UNC5C: variants seen among roughly 807,000 people sequenced by gnomAD.
UNC5C encodes the protein unc-5 netrin receptor C, also known as netrin receptor UNC5C.
UNC5C carries 47 observed loss-of-function variants against 99.8 expected under a neutral mutation model. The observed-to-expected ratio is 0.47, with a 90% confidence interval of 0.37 to 0.60. The LOEUF (loss-of-function observed/expected upper bound fraction) is 0.60. UNC5C is among the 20% of genes least tolerant of loss of function. The probability of loss-of-function intolerance (pLI) is 0.00; values close to 1 mark genes in which losing one functional copy is unlikely to be tolerated. For synonymous variants in UNC5C, 487 were observed against 452.2 expected (o/e 1.08, Z -0.98); for missense variants, 1,062 against 1,165.9 (o/e 0.91, Z 1.30).
intron 14 of UNC5C, among the ~76,000 whole-genome samples, chr4:95,174,622 T>A (rs934605763): frequency 6.6e-6 from 1 of 152,014 alleles, no homozygotes. Flanking sequence ...TTGTTATAAT[T>A]TCTGTTCATT....
At chr4:95,514,691 G>A (rs2149488454) in intron 1 of UNC5C, among the ~76,000 whole-genome samples, 1 of 149,386 alleles carries the variant, frequency 6.7e-6, no homozygotes, top group East Asian at 2.0e-4. Context: ...ATTTTTCCTT[G>A]AGATGGAGTC....
chr4:95,199,846 T>G (rs1038761611), intron 12 of UNC5C, among the ~76,000 whole-genome samples: 6 of 152,234 alleles, frequency 3.9e-5, no homozygotes, highest in African/African-American at 1.4e-4. Flanking sequence ...TTTTCCCTAA[T>G]TCAAACCCAG....
intron 1 of UNC5C, among the ~76,000 whole-genome samples, chr4:95,536,832 T>C (rs1040213681): frequency 5.3e-5 from 8 of 152,322 alleles, no homozygotes; most frequent in African/African-American, 1.4e-4. Context: ...ATTCATCAAG[T>C]CCCTCATGCA....
intron 14 of UNC5C, among the ~76,000 whole-genome samples, chr4:95,182,627 G>A (rs999012047): frequency 1.3e-5 from 2 of 152,088 alleles, no homozygotes; most frequent in African/African-American, 4.8e-5. Context: ...ATTCAGATCT[G>A]TTTTTACAAG....
Position 95,479,050 on chromosome 4 carries a change from T to C in UNC5C, c.124+69684A>G, listed in dbSNP as rs145608433. Among the ~76,000 whole-genome samples the C allele has an allele frequency of 3.3e-3, 495 of 152,052 alleles. 2 individuals are homozygous for C. Among genetic ancestry groups the C allele is most frequent in the African/African-American group, 0.011 (475 of 41,520 alleles). ...CACCAGAAGCTGAGAAGATGTACGA[T>C]CTCCAGAACCATGAGCCAAATAAAT... is the stretch of plus-strand genomic sequence containing the variant. On this transcript the variant is annotated intron_variant, in intron 1 of 15. Transcript: ENST00000453304.
At chr4:95,175,208 C>G (rs1217067818) in intron 14 of UNC5C, among the ~76,000 whole-genome samples, 19 of 149,736 alleles carry the variant, frequency 1.3e-4, no homozygotes, top group Admixed American at 2.6e-4. Context: ...ATTTGCCAGT[C>G]TGTGTCTTTT....
intron 1 of UNC5C, among the ~76,000 whole-genome samples, chr4:95,379,550 A>G (rs1744998790): frequency 6.6e-6 from 1 of 152,170 alleles, no homozygotes; most frequent in African/African-American, 2.4e-5. Flanking sequence ...CCTGCTTTCT[A>G]AAAATCACAG....
chr4:95,353,123 A>G (rs894758601), intron 1 of UNC5C, among the ~76,000 whole-genome samples: 2 of 152,088 alleles, frequency 1.3e-5, no homozygotes, highest in Non-Finnish European at 2.9e-5. Context: ...CTTTGAGTTC[A>G]TTCAAAAATC....
At chr4:95,498,702 A>G (rs1240196883) in intron 1 of UNC5C, among the ~76,000 whole-genome samples, 1 of 71,134 alleles carries the variant, frequency 1.4e-5, no homozygotes, top group African/African-American at 4.2e-5. Flanking sequence ...AGATTGGAAC[A>G]TACAGTGTTT....
intron 1 of UNC5C, among the ~76,000 whole-genome samples, chr4:95,490,150 G>C (rs1407676506): frequency 6.6e-6 from 1 of 151,528 alleles, no homozygotes; most frequent in African/African-American, 2.4e-5. Context: ...AGAGGCAAAA[G>C]GGAAGCGGAA....
At chr4:95,483,586 T>C (rs538504946) in intron 1 of UNC5C, among the ~76,000 whole-genome samples, 19 of 151,894 alleles carry the variant, frequency 1.3e-4, no homozygotes, top group South Asian at 2.1e-4. Context: ...AACAGACCCT[T>C]TTATGGTTCT....
Position 95,335,583 on chromosome 4 carries a change from G to C in UNC5C, c.173C>G (p.Pro58Arg), listed in dbSNP as rs1375105736. 6.2e-7 allele frequency: 1 copy of C among 1,611,624 alleles called. No individual in the cohort carries two copies. The highest frequency in any genetic ancestry group is 1.3e-5 in the African/African-American group (1 of 74,938). ...AATAAGGAAATGTGGCAGAGGCTCA[G>C]GTGGATCAGAAGGAAAAGTTTCTGG... ...ELPETFPSDP[P>R]EPLPHFLIEP... The change falls in exon 2 of 16, where the codon CCT becomes CGT. Residue 58 changes from proline to arginine, a missense_variant. Coordinates refer to ENST00000453304, the MANE Select transcript of UNC5C (RefSeq NM_003728.4).
intron 1 of UNC5C, among the ~76,000 whole-genome samples, chr4:95,430,242 G>A (rs1453931386): frequency 6.6e-6 from 1 of 152,024 alleles, no homozygotes; most frequent in Non-Finnish European, 1.5e-5. Flanking sequence ...TAATGAGGGA[G>A]GCTATGCATA....
intron 1 of UNC5C, among the ~76,000 whole-genome samples, chr4:95,487,595 A>C (rs1049165563): frequency 1.3e-5 from 2 of 151,896 alleles, no homozygotes; most frequent in East Asian, 3.9e-4. Flanking sequence ...TTACACTACT[A>C]TAAATACTTA....
At chr4:95,333,072 T>G (rs1743184597) in intron 2 of UNC5C, among the ~76,000 whole-genome samples, 1 of 151,946 alleles carries the variant, frequency 6.6e-6, no homozygotes, top group Non-Finnish European at 1.5e-5. Context: ...CAGGAAGCAG[T>G]AGGTGCTAGA....
chr4:95,318,531 C>G (rs1471310682), intron 2 of UNC5C, among the ~76,000 whole-genome samples: 1 of 152,206 alleles, frequency 6.6e-6, no homozygotes, highest in South Asian at 2.1e-4. Flanking sequence ...TGAGAAAAAA[C>G]TGTCTGCCAT....
chr4:95,334,868 C>T (rs1743271463), intron 2 of UNC5C, among the ~76,000 whole-genome samples: 1 of 151,842 alleles, frequency 6.6e-6, no homozygotes, highest in Non-Finnish European at 1.5e-5. Context: ...TTCTGAATCA[C>T]CCTCAATTTA....
chr4:95,177,108 C>T (rs1343881661), intron 14 of UNC5C, among the ~76,000 whole-genome samples: 6 of 152,196 alleles, frequency 3.9e-5, no homozygotes, highest in South Asian at 2.1e-4. Flanking sequence ...GGCTCACGCA[C>T]GGTGCGCGCA....
At position 95,533,597 on chromosome 4, in the gene UNC5C, T is replaced by C. The variant is rs192356835; in HGVS notation, c.124+15137A>G. On this transcript the variant is annotated intron_variant, in intron 1 of 15. Coordinates refer to ENST00000453304, the MANE Select transcript of UNC5C (RefSeq NM_003728.4). The stretch of plus-strand genomic sequence containing the variant: ...CTCCAGGAAATAATTTAATTCTTTA[T>C]TTGTTTGAATAACTTGGCTCTCTGA... 4.1e-3 allele frequency among the ~76,000 whole-genome samples: 631 copies of C among 152,256 alleles called. 2 individuals are homozygous for C. Among genetic ancestry groups the C allele is most frequent in the African/African-American group, 0.015 (603 of 41,556 alleles).
Sources: gnomAD v4.1 joint callset for allele counts (sites outside exome capture counted in the v4.1 genomes callset) on GRCh38, gnomAD v4.1.1 for gene constraint, MANE v1.5 for transcripts, NCBI Gene and HGNC (gene_info 2026-07-23, HGNC 2026-07-21) for gene names.